Variants in EVC observed in about 807,000 individuals in gnomAD.
The protein encoded by EVC is evC complex member EVC.
A neutral mutation model predicts 118.9 loss-of-function variants in EVC; 116 were observed. The ratio of observed to expected loss-of-function variants is 0.98; its 90% CI spans 0.84 to 1.14. EVC has a LOEUF of 1.14. Among genes scored for constraint, EVC ranks in the 50% most tolerant of loss-of-function variants. The pLI, the probability that EVC is intolerant of heterozygous loss-of-function variation, is 0.00. For missense variants in EVC, 1,401 were observed against 1,246.4 expected (o/e 1.12, Z -1.87); for synonymous variants, 619 against 534.7 (o/e 1.16, Z -2.18).
At chr4:5,824,476 A>G in the EVC span, 1 of 985,116 alleles carries the variant, frequency 1.0e-6, no homozygotes, top group Non-Finnish European at 1.2e-6. Flanking sequence ...CTGAATTCAC[A>G]CGTCATCCTC....
intron 12 of EVC, among the ~76,000 whole-genome samples, chr4:5,793,064 G>T (rs1713091273): frequency 6.6e-6 from 1 of 152,062 alleles, no homozygotes; most frequent in South Asian, 2.1e-4. Context: ...CATATGAAAG[G>T]AAAAGCAACC....
chr4:5,828,354 A>G, the EVC span: 1 of 1,438,696 alleles, frequency 7.0e-7, no homozygotes, highest in East Asian at 2.5e-5. Context: ...GTCTCAACCC[A>G]TTTAACAGAT....
chr4:5,809,489 C>A (rs1273762862), intron 18 of EVC, 29 bp from the exon 19 acceptor site: 10 of 1,605,262 alleles, frequency 6.2e-6, no homozygotes, highest in Non-Finnish European at 7.7e-6. Flanking sequence ...GGAGGCCCAG[C>A]TGAATGCTCC....
chr4:5,823,210 G>T, the EVC span, among the ~76,000 whole-genome samples: 7 of 152,160 alleles, frequency 4.6e-5, no homozygotes, highest in Admixed American at 4.6e-4. Context: ...CAGTAGACTA[G>T]ATGAGCCCCT....
chr4:5,721,975 CAATA>C (rs1475724739), intron 2 of EVC, among the ~76,000 whole-genome samples: 1 of 152,158 alleles, frequency 6.6e-6, no homozygotes, highest in Non-Finnish European at 1.5e-5. Flanking sequence ...AATTAAATCT[CAATA>C]AAGCTGTTAA....
chr4:5,813,216 C>T lies in EVC; in HGVS notation c.*2179C>T, dbSNP rs915949218. The stretch of plus-strand genomic sequence containing the variant: ...CTTCCTTGGTGCAATATTCTTAAAA[C>T]CTGCTTTGCATAGAAATCACTTTTG... On this transcript the variant is annotated 3_prime_UTR_variant, in exon 21 of 21. Transcript: ENST00000264956. The T allele has an allele frequency of 2.0e-5, 3 of 152,202 alleles. No individual in the cohort carries two copies. The East Asian group carries it at 5.8e-4, about 29-fold the overall frequency. 9.4% of individuals were successfully genotyped at this position (152,202 alleles called of 1,614,324 possible).
At chr4:5,772,081 A>G (rs1056860006) in intron 11 of EVC, among the ~76,000 whole-genome samples, 2 of 151,962 alleles carry the variant, frequency 1.3e-5, no homozygotes, top group Non-Finnish European at 1.5e-5. Context: ...TATTTTTAGT[A>G]GAGACAAGGT....
chr4:5,714,129 C>T (rs1723546029), intron 1 of EVC, among the ~76,000 whole-genome samples: 1 of 152,162 alleles, frequency 6.6e-6, no homozygotes, highest in South Asian at 2.1e-4. Context: ...CCTGCTCAGC[C>T]CTCAGGACCC....
Position 5,737,198 on chromosome 4 carries a change from ACT to A in EVC, c.702+3768_702+3769del, listed in dbSNP as rs1727830095. Reference sequence around the variant, plus strand: ...AAGCCTAATCCAGAGCAATACTCTAACTCTCTTCAATTCTGTGAGTGCTGAGA... The same window carrying A: ...AAGCCTAATCCAGAGCAATACTCTAACTCTTCAATTCTGTGAGTGCTGAGA... On this transcript the variant is annotated intron_variant, in intron 5 of 20. Coordinates refer to ENST00000264956, the MANE Select transcript of EVC (RefSeq NM_153717.3). This position sits in a 1 kb window ranked among gnomAD's most constrained non-coding sequence, Gnocchi z 5.0. Among the ~76,000 whole-genome samples the A allele has an allele frequency of 6.6e-6, 1 of 152,202 alleles. No homozygotes were observed. Among genetic ancestry groups the A allele is most frequent in the Non-Finnish European group, 1.5e-5 (1 of 68,036 alleles).
intron 11 of EVC, among the ~76,000 whole-genome samples, chr4:5,777,710 T>A (rs1734910057): frequency 6.6e-6 from 1 of 152,166 alleles, no homozygotes; most frequent in Non-Finnish European, 1.5e-5. Context: ...TCTAAATCTT[T>A]TAAAAGAATG....
intron 11 of EVC, among the ~76,000 whole-genome samples, chr4:5,758,887 A>G (rs1164584637): frequency 1.3e-5 from 2 of 152,218 alleles, no homozygotes; most frequent in Non-Finnish European, 2.9e-5. Context: ...GCACAGAGCA[A>G]TTTATTGCAA....
chr4:5,825,421 C>T, the EVC span: 42 of 1,495,222 alleles, frequency 2.8e-5, no homozygotes, highest in South Asian at 5.2e-4. This position sits in a 1 kb window ranked among gnomAD's most constrained non-coding sequence, Gnocchi z 4.4. Flanking sequence ...TGTCCATTTC[C>T]TCAGAAGCAG....
At chr4:5,828,083 A>G in the EVC span, 2 of 985,442 alleles carry the variant, frequency 2.0e-6, no homozygotes, top group Non-Finnish European at 2.4e-6. Flanking sequence ...CCACAGGGCC[A>G]GACCCGAGGG....
At chr4:5,807,615 C>T (rs944866715) in intron 17 of EVC, among the ~76,000 whole-genome samples, 2 of 152,098 alleles carry the variant, frequency 1.3e-5, no homozygotes, top group Admixed American at 6.5e-5. Context: ...GCTCAGGTAC[C>T]CGGCCTCTGC....
chr4:5,754,002 C>A lies in EVC; in HGVS notation c.1464+69C>A. The A allele has an allele frequency of 6.3e-7, 1 of 1,593,730 alleles. No individual in the cohort carries two copies. On this transcript the variant is annotated intron_variant, in intron 10 of 20. Transcript: ENST00000264956. The surrounding 1 kb of genome is among the most constrained non-coding windows in gnomAD (Gnocchi z 5.8). ...GTAGCTCTGTTCCCGTGACTGAGCA[C>A]GGGACGCCGGAGGTATTCATCAGGC... is the stretch of plus-strand genomic sequence containing the variant.
Position 5,731,250 on chromosome 4 carries a change from C to G in EVC, c.385-175C>G, listed in dbSNP as rs558758070. On this transcript the variant is annotated intron_variant, in intron 3 of 20. Coordinates refer to ENST00000264956, the MANE Select transcript of EVC (RefSeq NM_153717.3). This position sits in a 1 kb window ranked among gnomAD's most constrained non-coding sequence, Gnocchi z 5.6. Reference sequence around the variant, plus strand: ...ACTGTGATTCGGGCCTCTGGGCTGTCGATGTGGCAGAACCTGGGACGGAAA... The same window carrying G: ...ACTGTGATTCGGGCCTCTGGGCTGTGGATGTGGCAGAACCTGGGACGGAAA... Among the ~76,000 whole-genome samples the G allele has an allele frequency of 6.6e-6, 1 of 151,924 alleles. No homozygotes were observed. The highest frequency in any genetic ancestry group is 1.5e-5 in the Non-Finnish European group (1 of 67,992).
chr4:5,795,329 T>C (rs569008797), intron 13 of EVC, among the ~76,000 whole-genome samples: 1 of 152,150 alleles, frequency 6.6e-6, no homozygotes, highest in Non-Finnish European at 1.5e-5. Flanking sequence ...TGTCTAGCTA[T>C]GGAATTGGAT....
At chr4:5,818,590 G>T (rs1027069787), downstream of EVC, among the ~76,000 whole-genome samples, 3 of 152,096 alleles carry the variant, frequency 2.0e-5, no homozygotes, top group Admixed American at 1.3e-4. Flanking sequence ...CAGTGAGTCA[G>T]TGGATTAATG....
chr4:5,796,637 C>T (rs192830931), intron 13 of EVC, among the ~76,000 whole-genome samples: 4 of 151,954 alleles, frequency 2.6e-5, no homozygotes, highest in Non-Finnish European at 5.9e-5. Context: ...AGTTATACAA[C>T]CAAATGTTGA....
Sources: allele counts gnomAD v4.1 joint callset (sites outside exome capture counted in the v4.1 genomes callset), GRCh38; gene constraint gnomAD v4.1.1; non-coding constraint Gnocchi (gnomAD v3.1); transcripts MANE v1.5; gene names NCBI Gene and HGNC (gene_info 2026-07-23, HGNC 2026-07-21).